Variants in PDS5B observed in about 807,000 individuals in gnomAD.
PDS5B encodes the protein PDS5 cohesin associated factor B.
A neutral mutation model predicts 184.1 loss-of-function variants in PDS5B; 51 were observed. The ratio of observed to expected loss-of-function variants is 0.28; its 90% confidence interval spans 0.22 to 0.35. The LOEUF is 0.35. Ranked by LOEUF, PDS5B falls within the 10% of genes least tolerant of loss-of-function variation. The pLI is 1.00. For missense variants in PDS5B, 1,180 were observed against 1,723.3 expected (o/e 0.68, Z 5.58); for synonymous variants, 566 against 569.2 (o/e 0.99, Z 0.08).
intron 25 of PDS5B, among the ~76,000 whole-genome samples, chr13:32,754,740 G>A (rs927026849): frequency 6.6e-6 from 1 of 152,104 alleles, no homozygotes; most frequent in Non-Finnish European, 1.5e-5. Flanking sequence ...GCTTGTGGTT[G>A]TTGTGAGAAT....
At position 32,625,727 on chromosome 13, in the gene PDS5B, A is replaced by T. The variant is rs568072475; in HGVS notation, c.-19-23027A>T. 4.6e-3 allele frequency among the ~76,000 whole-genome samples: 698 copies of T among 150,560 alleles called. 2 individuals carry two copies. Among genetic ancestry groups the T allele is most frequent in the Non-Finnish European group, 7.7e-3 (522 of 67,668 alleles). On this transcript the variant is annotated intron_variant, in intron 1 of 34. Coordinates refer to ENST00000315596, the MANE Select transcript of PDS5B (RefSeq NM_015032.4). Reference sequence around the variant, plus strand: ...CAAGAAGCATATTGTTTAATGAGACATTTTTTTTTCCTGAGCATATTTATA... The same window carrying T: ...CAAGAAGCATATTGTTTAATGAGACTTTTTTTTTTCCTGAGCATATTTATA...
At chr13:32,610,910 G>A (rs1324022834) in intron 1 of PDS5B, among the ~76,000 whole-genome samples, 1 of 151,846 alleles carries the variant, frequency 6.6e-6, no homozygotes, top group African/African-American at 2.4e-5. Flanking sequence ...ATACCATGCT[G>A]CCTTTAGTTC....
At chr13:32,638,188 T>G (rs1185584922) in intron 1 of PDS5B, among the ~76,000 whole-genome samples, 2 of 152,212 alleles carry the variant, frequency 1.3e-5, no homozygotes, top group African/African-American at 4.8e-5. Flanking sequence ...GAGCAGTAGG[T>G]AAGCTAACCC....
intron 1 of PDS5B, among the ~76,000 whole-genome samples, chr13:32,638,890 A>G (rs989214887): frequency 2.0e-5 from 3 of 152,096 alleles, no homozygotes; most frequent in Middle Eastern, 3.4e-3. Flanking sequence ...AAATTGGGTA[A>G]TAAGAGGCTG....
intron 28 of PDS5B, among the ~76,000 whole-genome samples, chr13:32,758,860 CAGTCTT>C (rs1954277316): frequency 1.3e-5 from 2 of 152,140 alleles, no homozygotes; most frequent in South Asian, 4.1e-4. Flanking sequence ...AGTTTTAAGA[CAGTCTT>C]AGAGCGCAGG....
chr13:32,773,250 G>A lies in PDS5B; in HGVS notation c.4234G>A (p.Val1412Met). Residue 1412 changes from valine (V) to methionine (M), a missense_variant, in exon 34 of 35, where the codon GTG becomes ATG. Coordinates refer to ENST00000315596, the MANE Select transcript of PDS5B (RefSeq NM_015032.4). Reference protein sequence around the residue: ...KENDSSEEVDVFQGSSPVDDI... With the variant: ...KENDSSEEVDMFQGSSPVDDI... ...AAATGATTCAAGTGAAGAAGTAGAT[G>A]TGTTTCAGGGTAGCTCTCCTGTCGA... 1.2e-6 allele frequency: 2 copies of A among 1,613,252 alleles called. No homozygotes were observed. The highest frequency in any genetic ancestry group is 8.5e-7 in the Non-Finnish European group (1 of 1,179,374).
In PDS5B at chr13:32,714,698, C is replaced by T. The variant is rs938391416; in HGVS notation, c.2123+4592C>T. Among the ~76,000 whole-genome samples the T allele has an allele frequency of 2.0e-4, 30 of 152,304 alleles. No homozygotes were observed. The South Asian group carries it at 2.7e-3, about 14-fold the overall frequency. The stretch of plus-strand genomic sequence containing the variant: ...TACGGCTCTGTTATGCCTGGCTCAC[C>T]GGCGGTCAGAGTTTAAGGTTATCTC... On this transcript the variant is annotated intron_variant, in intron 19 of 34. Transcript: ENST00000315596.
rs1953528997 is a variant in PDS5B at position 32,741,061 on chromosome 13, T to TC, written c.2407-19_2407-18insC. ...ATTTTAAAGTCCCTGGTTTTTTTTT[T>TC]TTTCTCGTTTATTTTTAGCTTCCAG... On this transcript the variant is annotated intron_variant, in intron 21 of 34. Transcript: ENST00000315596. 2 of 1,365,438 alleles carry TC rather than the reference T, an allele frequency of 1.5e-6. No individual in the cohort carries two copies. Among genetic ancestry groups the TC allele is most frequent in the African/African-American group, 2.9e-5 (2 of 68,674 alleles). 84.6% of individuals were successfully genotyped at this position (1,365,438 alleles called of 1,614,324 possible).
At chr13:32,627,328 G>C (rs1419822191) in intron 1 of PDS5B, among the ~76,000 whole-genome samples, 2 of 152,212 alleles carry the variant, frequency 1.3e-5, no homozygotes, top group Middle Eastern at 3.2e-3. Context: ...TTATGGAAGA[G>C]AAAATGGAGT....
intron 34 of PDS5B, among the ~76,000 whole-genome samples, chr13:32,774,515 T>C (rs981495386): frequency 2.6e-5 from 4 of 152,226 alleles, no homozygotes; most frequent in African/African-American, 9.6e-5. Context: ...TGACATTTTT[T>C]GAACTAAAGT....
chr13:32,643,213 C>G (rs1769931144), intron 1 of PDS5B, among the ~76,000 whole-genome samples: 1 of 152,044 alleles, frequency 6.6e-6, no homozygotes, highest in Non-Finnish European at 1.5e-5. Context: ...ATCAATCTTT[C>G]CCTGGAGTGC....
At chr13:32,691,771 G>C (rs534741510) in intron 13 of PDS5B, among the ~76,000 whole-genome samples, 3 of 152,192 alleles carry the variant, frequency 2.0e-5, no homozygotes, top group Admixed American at 1.3e-4. Flanking sequence ...TTGTAAACTA[G>C]TGTCAAATTG....
chr13:32,725,230 T>C (rs1222854388), intron 19 of PDS5B, among the ~76,000 whole-genome samples: 1 of 152,226 alleles, frequency 6.6e-6, no homozygotes, highest in Non-Finnish European at 1.5e-5. Context: ...AGAGGACTAG[T>C]GTCCTCCAAA....
intron 19 of PDS5B, among the ~76,000 whole-genome samples, chr13:32,721,640 A>G (rs1486977761): frequency 6.8e-6 from 1 of 146,352 alleles, no homozygotes; most frequent in Non-Finnish European, 1.5e-5. Context: ...CACATCCCAG[A>G]CGGGGCGGCC....
intron 13 of PDS5B, chr13:32,688,936 C>T (rs1951471289): frequency 4.0e-6 from 1 of 250,594 alleles, no homozygotes; most frequent in Admixed American, 5.1e-5. Context: ...ACTTGGTGTA[C>T]TGATGTGCAT....
intron 1 of PDS5B, among the ~76,000 whole-genome samples, chr13:32,618,009 C>G (rs1272569227): frequency 6.6e-6 from 1 of 152,060 alleles, no homozygotes; most frequent in Non-Finnish European, 1.5e-5. Flanking sequence ...AGGGCTGCAT[C>G]CTCCAGAGGT....
chr13:32,709,844 T>A (rs1236662902), intron 18 of PDS5B, 102 bp from the exon 19 acceptor site: 6 of 656,498 alleles, frequency 9.1e-6, no homozygotes, highest in Non-Finnish European at 1.3e-5. Context: ...ATAATTTTTT[T>A]TAATAGACTT....
At chr13:32,625,858 G>C (rs1313565250) in intron 1 of PDS5B, among the ~76,000 whole-genome samples, 1 of 138,762 alleles carries the variant, frequency 7.2e-6, no homozygotes, top group Non-Finnish European at 1.5e-5. Flanking sequence ...TTTTTTTTGA[G>C]ACAGGGTCTC....
At chr13:32,736,801 T>C (rs538498296) in intron 21 of PDS5B, among the ~76,000 whole-genome samples, 1 of 152,298 alleles carries the variant, frequency 6.6e-6, no homozygotes, top group Admixed American at 6.5e-5. Context: ...CACTTTTGTG[T>C]ACTTTTCTGC....
Sources: gnomAD v4.1 joint callset for allele counts (sites outside exome capture counted in the v4.1 genomes callset) on GRCh38, gnomAD v4.1.1 for gene constraint, MANE v1.5 for transcripts, NCBI Gene and HGNC (gene_info 2026-07-23, HGNC 2026-07-21) for gene names.